SSBP2: variants seen among roughly 807,000 people sequenced by gnomAD.
SSBP2 encodes the protein single-stranded DNA-binding protein 2.
SSBP2 carries 17 observed loss-of-function variants against 61.8 expected under a neutral mutation model. The ratio of observed to expected loss-of-function variants is 0.28; its 90% CI spans 0.19 to 0.41. The LOEUF (loss-of-function observed/expected upper bound fraction) is 0.41. Ranked by LOEUF, SSBP2 falls within the 10% of genes least tolerant of loss-of-function variation. SSBP2 has a pLI of 1.00. For synonymous variants in SSBP2, 139 were observed against 141.3 expected (o/e 0.98, Z 0.12); for missense variants, 310 against 458.7 (o/e 0.68, Z 2.96).
chr5:81,498,574 A>G (rs562774152), intron 5 of SSBP2, among the ~76,000 whole-genome samples: 23 of 152,222 alleles, frequency 1.5e-4, no homozygotes, highest in African/African-American at 5.1e-4. Context: ...TACATTTACT[A>G]TAAGATTTAA....
intron 4 of SSBP2, among the ~76,000 whole-genome samples, chr5:81,574,133 T>G (rs899557572): frequency 1.3e-5 from 2 of 151,748 alleles, no homozygotes; most frequent in Admixed American, 1.3e-4. Context: ...AGAGTGAGAC[T>G]CCATCTCTAA....
intron 3 of SSBP2, among the ~76,000 whole-genome samples, chr5:81,632,583 G>T (rs1747829376): frequency 6.6e-6 from 1 of 152,064 alleles, no homozygotes; most frequent in African/African-American, 2.4e-5. Context: ...TGCCACAAGG[G>T]TAGAGATGGT....
chr5:81,537,678 ATC>A (rs1770917046), intron 4 of SSBP2, among the ~76,000 whole-genome samples: 2 of 152,124 alleles, frequency 1.3e-5, no homozygotes, highest in Admixed American at 6.5e-5. Flanking sequence ...TGTTACGATT[ATC>A]TGTTATCAGT....
chr5:81,447,838 T>A (rs1763501755), intron 11 of SSBP2: 1 of 152,240 alleles, frequency 6.6e-6, no homozygotes, highest in Non-Finnish European at 1.5e-5. Flanking sequence ...ATAGGTTTTA[T>A]ATAAATTTTC....
chr5:81,596,763 T>C (rs1324092136), intron 4 of SSBP2, among the ~76,000 whole-genome samples: 2 of 116,588 alleles, frequency 1.7e-5, no homozygotes, highest in Admixed American at 9.5e-5. Flanking sequence ...TAATAAATGG[T>C]GCTGGGAAAA....
Position 81,517,378 on chromosome 5 carries a change from T to C in SSBP2, c.283-3661A>G, listed in dbSNP as rs1489658993. On this transcript the variant is annotated intron_variant, in intron 4 of 16. Coordinates refer to ENST00000320672, the MANE Select transcript of SSBP2 (RefSeq NM_012446.5). ...TCTGTCCTAAATTTCAAGTTTTTTT[T>C]TTTTTTTTTGGAGAGTGACAACTTT... Among the ~76,000 whole-genome samples, 3 of 151,874 alleles carry C rather than the reference T, an allele frequency of 2.0e-5. No individual in the cohort carries two copies. In the East Asian group the frequency reaches 5.8e-4, roughly 29 times the overall value.
chr5:81,708,859 G>A (rs1754581896), intron 1 of SSBP2, among the ~76,000 whole-genome samples: 1 of 151,784 alleles, frequency 6.6e-6, no homozygotes, highest in Non-Finnish European at 1.5e-5. Context: ...TTACTCCCAA[G>A]GTAGAGGACA....
chr5:81,559,373 C>A (rs990838790), intron 4 of SSBP2, among the ~76,000 whole-genome samples: 1 of 129,840 alleles, frequency 7.7e-6, no homozygotes, highest in African/African-American at 3.0e-5. Flanking sequence ...GTTGACAGAG[C>A]GAGATTTCAT....
intron 13 of SSBP2, among the ~76,000 whole-genome samples, chr5:81,440,845 T>C (rs1309114557): frequency 6.6e-6 from 1 of 152,244 alleles, no homozygotes; most frequent in Non-Finnish European, 1.5e-5. Flanking sequence ...GTTCCACATA[T>C]AGATGTTTAG....
chr5:81,712,737 T>C (rs1754881809), intron 1 of SSBP2, among the ~76,000 whole-genome samples: 1 of 149,668 alleles, frequency 6.7e-6, no homozygotes, highest in East Asian at 1.9e-4. Flanking sequence ...TGTTTTTTTT[T>C]TTTTGTTTTT....
At chr5:81,522,761 T>C (rs1769589640) in intron 4 of SSBP2, among the ~76,000 whole-genome samples, 1 of 152,064 alleles carries the variant, frequency 6.6e-6, no homozygotes, top group Non-Finnish European at 1.5e-5. Context: ...TACTCTACCC[T>C]GGGCCACCTC....
chr5:81,672,097 T>C (rs1751618403), intron 1 of SSBP2, among the ~76,000 whole-genome samples: 1 of 152,180 alleles, frequency 6.6e-6, no homozygotes, highest in African/African-American at 2.4e-5. Flanking sequence ...TTATTTTTAC[T>C]ACAAAACAGT....
chr5:81,615,898 T>C (rs535686259), intron 3 of SSBP2, among the ~76,000 whole-genome samples: 1 of 152,346 alleles, frequency 6.6e-6, no homozygotes, highest in East Asian at 1.9e-4. Context: ...ATAGAAACAG[T>C]AAATAATATC....
intron 4 of SSBP2, among the ~76,000 whole-genome samples, chr5:81,595,040 T>C (rs563458482): frequency 9.5e-4 from 145 of 152,058 alleles, no homozygotes; most frequent in East Asian, 3.1e-3. Flanking sequence ...TTCAAAAAAT[T>C]AATGAATCCA....
intron 1 of SSBP2, among the ~76,000 whole-genome samples, chr5:81,710,196 A>C (rs923623082): frequency 6.6e-6 from 1 of 152,102 alleles, no homozygotes; most frequent in Admixed American, 6.5e-5. Context: ...CCATGGTCCA[A>C]TTATAATGGG....
intron 11 of SSBP2, chr5:81,448,150 G>A (rs1763523847): frequency 6.6e-6 from 1 of 152,050 alleles, no homozygotes; most frequent in African/African-American, 2.4e-5. Flanking sequence ...ATTTTCCTCT[G>A]TGTTGACTTT....
intron 4 of SSBP2, among the ~76,000 whole-genome samples, chr5:81,552,782 A>G (rs1293611497): frequency 1.3e-5 from 2 of 152,142 alleles, no homozygotes; most frequent in Non-Finnish European, 2.9e-5. Flanking sequence ...TTTTTAAGTT[A>G]ACCTGTGACT....
intron 6 of SSBP2, among the ~76,000 whole-genome samples, chr5:81,488,043 A>ACAT (rs1766543746): frequency 1.6e-5 from 1 of 62,568 alleles, no homozygotes; most frequent in Non-Finnish European, 3.0e-5. Context: ...ATATATATAT[A>ACAT]TATATATATA....
intron 1 of SSBP2, among the ~76,000 whole-genome samples, chr5:81,668,927 A>C (rs1751376660): frequency 6.6e-6 from 1 of 152,104 alleles, no homozygotes; most frequent in African/African-American, 2.4e-5. Flanking sequence ...AAACTTAAAA[A>C]CTGTGTCTCT....
Sources: gnomAD v4.1 joint callset for allele counts (sites outside exome capture counted in the v4.1 genomes callset) on GRCh38, gnomAD v4.1.1 for gene constraint, MANE v1.5 for transcripts, NCBI Gene and HGNC (gene_info 2026-07-23, HGNC 2026-07-21) for gene names.